The following FBXL7 variants were observed in gnomAD, a reference collection of about 807,000 sequenced individuals.
The protein encoded by FBXL7 is F-box and leucine rich repeat protein 7.
FBXL7 carries 12 observed loss-of-function variants against 38.3 expected under a neutral mutation model. The observed-to-expected ratio is 0.31, with a 90% CI of 0.20 to 0.51. The LOEUF (loss-of-function observed/expected upper bound fraction) is 0.51, where lower values mean the gene tolerates loss of function less well. FBXL7 is among the 20% of genes least tolerant of loss of function. The pLI, the probability that FBXL7 is intolerant of heterozygous loss-of-function variation, is 0.98. For synonymous variants in FBXL7, 297 were observed against 300.9 expected (o/e 0.99, Z 0.13); for missense variants, 567 against 676.4 (o/e 0.84, Z 1.79).
At chr5:15,612,175 T>C (rs1416932594) in intron 1 of FBXL7, among the ~76,000 whole-genome samples, 1 of 151,898 alleles carries the variant, frequency 6.6e-6, no homozygotes, top group African/African-American at 2.4e-5. Context: ...ACATAAGAGA[T>C]ATACAGTATA....
At chr5:15,777,907 T>C (rs1328035550) in intron 2 of FBXL7, among the ~76,000 whole-genome samples, 1 of 151,954 alleles carries the variant, frequency 6.6e-6, no homozygotes, top group Non-Finnish European at 1.5e-5. Context: ...AGTCCCACTC[T>C]CCACATGAAC....
At chr5:15,560,009 T>C (rs1011445877) in intron 1 of FBXL7, among the ~76,000 whole-genome samples, 5 of 152,238 alleles carry the variant, frequency 3.3e-5, no homozygotes, top group African/African-American at 1.2e-4. Context: ...GGTACATGCC[T>C]CAACACTAGC....
intron 2 of FBXL7, among the ~76,000 whole-genome samples, chr5:15,906,073 A>C (rs1741351680): frequency 6.6e-6 from 1 of 152,098 alleles, no homozygotes; most frequent in Non-Finnish European, 1.5e-5. Context: ...CTTAAAAGGG[A>C]ACTAAAAGCA....
chr5:15,896,441 C>G (rs999357300), intron 2 of FBXL7, among the ~76,000 whole-genome samples: 2 of 152,182 alleles, frequency 1.3e-5, no homozygotes, highest in Non-Finnish European at 2.9e-5. Flanking sequence ...CGACCTATCT[C>G]ATAGTTCCAG....
chr5:15,514,746 C>G (rs934141578), intron 1 of FBXL7, among the ~76,000 whole-genome samples: 1 of 152,152 alleles, frequency 6.6e-6, no homozygotes, highest in East Asian at 1.9e-4. Context: ...ATGTCCCTGC[C>G]CCCGGCTGCA....
intron 2 of FBXL7, among the ~76,000 whole-genome samples, chr5:15,879,350 T>G (rs1362558541): frequency 6.6e-6 from 1 of 152,186 alleles, no homozygotes; most frequent in African/African-American, 2.4e-5. Flanking sequence ...GGATAGCCTC[T>G]GCTTGCCCTC....
intron 2 of FBXL7, among the ~76,000 whole-genome samples, chr5:15,833,831 G>A (rs908351642): frequency 6.6e-6 from 1 of 152,086 alleles, no homozygotes; most frequent in African/African-American, 2.4e-5. Flanking sequence ...TAAGAGGAAG[G>A]GCATGGACAT....
intron 2 of FBXL7, among the ~76,000 whole-genome samples, chr5:15,899,064 AAT>A (rs1218294286): frequency 6.6e-6 from 1 of 151,572 alleles, no homozygotes; most frequent in Non-Finnish European, 1.5e-5. Flanking sequence ...ATCATTACAA[AAT>A]ATATATATAT....
intron 2 of FBXL7, among the ~76,000 whole-genome samples, chr5:15,716,108 C>T (rs1744036539): frequency 6.6e-6 from 1 of 152,190 alleles, no homozygotes; most frequent in Non-Finnish European, 1.5e-5. Context: ...CAAACAATGT[C>T]TACAGAGGAT....
chr5:15,614,295 G>C (rs1252584993), intron 1 of FBXL7, among the ~76,000 whole-genome samples: 1 of 150,066 alleles, frequency 6.7e-6, no homozygotes, highest in Non-Finnish European at 1.5e-5. Flanking sequence ...TTTGAGACGG[G>C]CTCTCACTCT....
intron 2 of FBXL7, among the ~76,000 whole-genome samples, chr5:15,707,675 G>C (rs1743732965): frequency 6.6e-6 from 1 of 152,202 alleles, no homozygotes; most frequent in Non-Finnish European, 1.5e-5. Context: ...CACCTACTCT[G>C]AATGTCCTGC....
chr5:15,776,328 C>G (rs1005848097), intron 2 of FBXL7, among the ~76,000 whole-genome samples: 2 of 152,002 alleles, frequency 1.3e-5, no homozygotes, highest in African/African-American at 4.8e-5. Flanking sequence ...GGGCACACCT[C>G]CATTTTACAA....
intron 2 of FBXL7, among the ~76,000 whole-genome samples, chr5:15,697,449 C>A (rs1462812231): frequency 2.0e-5 from 3 of 152,018 alleles, no homozygotes; most frequent in Admixed American, 6.6e-5. Context: ...TTGAAGGCAA[C>A]TAGAGAGCAT....
chr5:15,751,250 A>ATT (rs35348749), intron 2 of FBXL7, among the ~76,000 whole-genome samples: 1 of 88,532 alleles, frequency 1.1e-5, no homozygotes, highest in East Asian at 4.2e-4. Context: ...AGTGGTAAAA[A>ATT]TTTTTCTTTT....
chr5:15,502,153 T>A (rs1736508433), intron 1 of FBXL7, among the ~76,000 whole-genome samples: 1 of 152,132 alleles, frequency 6.6e-6, no homozygotes, highest in African/African-American at 2.4e-5. Context: ...GCTTGTCAGT[T>A]CTGGGTGTAT....
chr5:15,571,581 T>C (rs994744618), intron 1 of FBXL7, among the ~76,000 whole-genome samples: 3 of 152,120 alleles, frequency 2.0e-5, no homozygotes, highest in African/African-American at 7.2e-5. Context: ...AAAATATCAC[T>C]GTTTAATGAA....
intron 1 of FBXL7, among the ~76,000 whole-genome samples, chr5:15,615,621 C>A (rs950454162): frequency 1.3e-5 from 2 of 152,136 alleles, no homozygotes; most frequent in African/African-American, 2.4e-5. Context: ...CTGAGAAATG[C>A]ATAATTTATA....
At chr5:15,678,866 T>G (rs1401995130) in intron 2 of FBXL7, among the ~76,000 whole-genome samples, 1 of 152,200 alleles carries the variant, frequency 6.6e-6, no homozygotes, top group African/African-American at 2.4e-5. Context: ...CTATATAAAT[T>G]ATCCAGTCTC....
At position 15,623,372 on chromosome 5, in the gene FBXL7, C is replaced by T. The variant is rs113464289; in HGVS notation, c.127+7300C>T. Among the ~76,000 whole-genome samples the T allele has an allele frequency of 6.7e-3, 1,023 of 152,256 alleles. 10 individuals are homozygous for T. The highest frequency in any genetic ancestry group is 0.024 in the African/African-American group (993 of 41,540). On this transcript the variant is annotated intron_variant, in intron 2 of 3. Transcript: ENST00000504595. ...TCAATATTCAGTTAATACCGCTTTG[C>T]GATATTGTGTAAGTCCTTGCGAGGA...
Sources: gnomAD v4.1 joint callset for allele counts (sites outside exome capture counted in the v4.1 genomes callset) on GRCh38, gnomAD v4.1.1 for gene constraint, MANE v1.5 for transcripts, NCBI Gene and HGNC (gene_info 2026-07-23, HGNC 2026-07-21) for gene names.